Variants in PPM1H observed in about 807,000 individuals in gnomAD.
PPM1H encodes protein phosphatase 1H.
In PPM1H, 27 loss-of-function variants were observed where a neutral mutation model predicts 54.9. That is an observed-to-expected ratio of 0.49 (90% confidence interval 0.36 to 0.68). PPM1H has a LOEUF of 0.68. Among genes scored for constraint, PPM1H ranks in the 30% least tolerant of loss-of-function variants. The probability of loss-of-function intolerance (pLI) is 0.00; values close to 1 mark genes in which losing one functional copy is unlikely to be tolerated. For synonymous variants in PPM1H, 305 were observed against 270.8 expected (o/e 1.13, Z -1.24); for missense variants, 596 against 667.8 (o/e 0.89, Z 1.19).
At chr12:62,689,828 C>T (rs377749395) in intron 7 of PPM1H, 22 bp from the exon 8 acceptor site, 8 of 1,529,258 alleles carry the variant, frequency 5.2e-6, no homozygotes, top group Non-Finnish European at 7.2e-6. Context: ...AGCAGAGGGT[C>T]ATCAGAAACA....
At chr12:62,703,975 CGT>C (rs4026211) in intron 6 of PPM1H, among the ~76,000 whole-genome samples, 11,391 of 146,504 alleles carry the variant, frequency 0.078, 431 homozygotes, top group African/African-American at 0.087. Flanking sequence ...AGAGAGAAAG[CGT>C]GTGTGTGTGT....
chr12:62,851,939 G>A (rs760942189), intron 1 of PPM1H, among the ~76,000 whole-genome samples: 7 of 151,188 alleles, frequency 4.6e-5, no homozygotes, highest in Non-Finnish European at 1.0e-4. Flanking sequence ...GTTAAGAGAT[G>A]GGGCTTTTGG....
intron 1 of PPM1H, among the ~76,000 whole-genome samples, chr12:62,877,432 T>C (rs1334308245): frequency 6.6e-6 from 1 of 152,206 alleles, no homozygotes; most frequent in Non-Finnish European, 1.5e-5. Context: ...CATCTGCTTC[T>C]AGCATCACTG....
At chr12:62,813,698 C>T (rs1308147996) in intron 2 of PPM1H, among the ~76,000 whole-genome samples, 1 of 152,190 alleles carries the variant, frequency 6.6e-6, no homozygotes, top group Non-Finnish European at 1.5e-5. Flanking sequence ...TGACAATCAT[C>T]ATCATCATAT....
At chr12:62,781,309 C>T (rs775917537) in intron 4 of PPM1H, among the ~76,000 whole-genome samples, 4 of 152,178 alleles carry the variant, frequency 2.6e-5, no homozygotes, top group African/African-American at 7.2e-5. Context: ...TGCAGTCAGC[C>T]GGCCCAGGTA....
chr12:62,677,036 A>G (rs1273482190), intron 8 of PPM1H, among the ~76,000 whole-genome samples: 2 of 151,912 alleles, frequency 1.3e-5, no homozygotes, highest in Admixed American at 1.3e-4. Flanking sequence ...AGCCTGTAAA[A>G]ACCCCAGACT....
At chr12:62,900,531 G>GTAATAATAATAA (rs57828355) in intron 1 of PPM1H, among the ~76,000 whole-genome samples, 10 of 142,592 alleles carry the variant, frequency 7.0e-5, no homozygotes, top group African/African-American at 2.1e-4. Context: ...AACTTAAAAT[G>GTAATAATAATAA]TAATAATAAT....
chr12:62,805,157 A>G (rs764133254), intron 2 of PPM1H, among the ~76,000 whole-genome samples: 1 of 152,230 alleles, frequency 6.6e-6, no homozygotes, highest in Non-Finnish European at 1.5e-5. Flanking sequence ...AATCAAAACC[A>G]CAATGAGATA....
At chr12:62,888,783 C>T (rs1870679973) in intron 1 of PPM1H, among the ~76,000 whole-genome samples, 1 of 152,124 alleles carries the variant, frequency 6.6e-6, no homozygotes, top group Non-Finnish European at 1.5e-5. Flanking sequence ...ACTTTACAGG[C>T]ATTTACCCAG....
intron 4 of PPM1H, among the ~76,000 whole-genome samples, chr12:62,765,435 A>T (rs1377091415): frequency 6.6e-6 from 1 of 152,172 alleles, no homozygotes; most frequent in Non-Finnish European, 1.5e-5. Flanking sequence ...GACTGCACCT[A>T]CTTGTCTTTA....
chr12:62,679,343 T>C (rs928150782), intron 8 of PPM1H, among the ~76,000 whole-genome samples: 1 of 152,144 alleles, frequency 6.6e-6, no homozygotes, highest in Admixed American at 6.5e-5. Context: ...TGGTGGTGGT[T>C]GGGGGAGGCA....
At chr12:62,779,707 G>C (rs1040259420) in intron 4 of PPM1H, among the ~76,000 whole-genome samples, 7 of 152,206 alleles carry the variant, frequency 4.6e-5, no homozygotes, top group Admixed American at 1.3e-4. Flanking sequence ...ATTCAGCTCA[G>C]GCCATCTGAG....
intron 5 of PPM1H, among the ~76,000 whole-genome samples, chr12:62,722,644 A>AGCCACACACAGT (rs1347931355): frequency 6.6e-6 from 1 of 152,196 alleles, no homozygotes; most frequent in East Asian, 1.9e-4. Context: ...ACACACACAG[A>AGCCACACACAGT]GCCACACACA....
At chr12:62,698,770 C>T (rs2076127524) in intron 6 of PPM1H, among the ~76,000 whole-genome samples, 1 of 151,636 alleles carries the variant, frequency 6.6e-6, no homozygotes, top group African/African-American at 2.4e-5. Context: ...CCCTAGTCCA[C>T]AAGAAAAAAG....
intron 8 of PPM1H, among the ~76,000 whole-genome samples, chr12:62,687,879 C>T (rs2076062250): frequency 6.6e-6 from 1 of 151,824 alleles, no homozygotes. Flanking sequence ...CATGGTGGTG[C>T]CCACCTGTAA....
intron 4 of PPM1H, chr12:62,755,366 A>C: frequency 1.1e-6 from 1 of 884,398 alleles, no homozygotes; most frequent in South Asian, 1.3e-5. Context: ...TGTGTGTTCC[A>C]GTATGATTTT....
intron 3 of PPM1H, 77 bp from the exon 4 acceptor site, chr12:62,788,415 A>G (rs919833037): frequency 4.4e-6 from 4 of 911,114 alleles, no homozygotes; most frequent in Non-Finnish European, 7.0e-6. Flanking sequence ...TTCTCTTGAC[A>G]GTCCCCAGAC....
intron 1 of PPM1H, among the ~76,000 whole-genome samples, chr12:62,910,766 T>A (rs1871430067): frequency 6.6e-6 from 1 of 152,126 alleles, no homozygotes; most frequent in Non-Finnish European, 1.5e-5. Context: ...TATCTCCCTC[T>A]AGCAATACTC....
intron 4 of PPM1H, among the ~76,000 whole-genome samples, chr12:62,749,151 C>A (rs528039738): frequency 5.9e-5 from 9 of 152,262 alleles, no homozygotes; most frequent in African/African-American, 2.2e-4. Context: ...GAGCAAGGCC[C>A]CCAATGTAAT....
Sources: gnomAD v4.1 joint callset for allele counts (sites outside exome capture counted in the v4.1 genomes callset) on GRCh38, gnomAD v4.1.1 for gene constraint, MANE v1.5 for transcripts, NCBI Gene and HGNC (gene_info 2026-07-23, HGNC 2026-07-21) for gene names.